IFT57: variants seen among roughly 807,000 people sequenced by gnomAD.
The protein encoded by IFT57 is intraflagellar transport 57.
IFT57 carries 59 observed loss-of-function variants against 56.8 expected under a neutral mutation model. The observed-to-expected ratio is 1.04, with a 90% CI of 0.84 to 1.29. IFT57 has a LOEUF of 1.29. IFT57 is among the 50% of genes most tolerant of loss of function. IFT57 has a pLI of 0.00. For missense variants in IFT57, 470 were observed against 522.1 expected (o/e 0.90, Z 0.97); for synonymous variants, 209 against 186.1 (o/e 1.12, Z -1.00).
chr3:108,189,456 T>C (rs1257451711), intron 6 of IFT57, among the ~76,000 whole-genome samples: 2 of 152,188 alleles, frequency 1.3e-5, no homozygotes, highest in East Asian at 3.8e-4. Context: ...GCAATGTTTG[T>C]AAGATTTTTT....
chr3:108,214,091 A>G, intron 3 of IFT57, 70 bp from the exon 4 acceptor site: 1 of 872,356 alleles, frequency 1.1e-6, no homozygotes, highest in Admixed American at 2.1e-5. Flanking sequence ...CATAATGCAA[A>G]TATCATGTCC....
intron 4 of IFT57, among the ~76,000 whole-genome samples, chr3:108,212,016 T>C (rs1003351279): frequency 1.3e-5 from 2 of 152,186 alleles, no homozygotes; most frequent in African/African-American, 4.8e-5. Context: ...AGGGTCTTGC[T>C]CTGTCACCCA....
At chr3:108,168,370 C>CTAT (rs2080074219) in intron 6 of IFT57, among the ~76,000 whole-genome samples, 1 of 151,934 alleles carries the variant, frequency 6.6e-6, no homozygotes, top group Admixed American at 6.6e-5. Context: ...AAAATATCAT[C>CTAT]TATTACTACT....
chr3:108,174,019 T>C lies in IFT57; in HGVS notation c.778-6155A>G, dbSNP rs1044952730. On this transcript the variant is annotated intron_variant, in intron 6 of 10. Transcript: ENST00000264538. Reference sequence around the variant, plus strand: ...TTGAGTGTGTGTGTGTGTGTGTGTGTGTGTGTGTGTGTGTGTGTGTGTGTG... The same window carrying C: ...TTGAGTGTGTGTGTGTGTGTGTGTGCGTGTGTGTGTGTGTGTGTGTGTGTG... 5.1e-3 allele frequency among the ~76,000 whole-genome samples: 771 copies of C among 150,410 alleles called. 3 individuals carry two copies. Among genetic ancestry groups the C allele is most frequent in the African/African-American group, 0.018 (733 of 40,970 alleles).
chr3:108,221,714 T>C (rs2080406380), intron 1 of IFT57, among the ~76,000 whole-genome samples: 1 of 6,058 alleles, frequency 1.7e-4, no homozygotes, highest in Non-Finnish European at 1.1e-3. Context: ...CATTCCTCTC[T>C]GGAGGCGAAT....
intron 5 of IFT57, 129 bp downstream of exon 5, chr3:108,206,499 C>A: frequency 2.6e-6 from 1 of 377,414 alleles, no homozygotes; most frequent in Non-Finnish European, 4.9e-6. Flanking sequence ...TATAGGAAAG[C>A]AATTTTGAGA....
intron 7 of IFT57, 42 bp from the exon 8 acceptor site, chr3:108,167,027 CAT>C (rs1158990586): frequency 1.3e-6 from 2 of 1,556,036 alleles, no homozygotes; most frequent in Non-Finnish European, 1.7e-6. Context: ...AACTCACAAA[CAT>C]ATTTTTTCAA....
intron 3 of IFT57, among the ~76,000 whole-genome samples, chr3:108,216,523 G>A (rs539078664): frequency 1.3e-5 from 2 of 152,266 alleles, no homozygotes; most frequent in African/African-American, 4.8e-5. Flanking sequence ...AACACTATTG[G>A]TAGGTATGTA....
rs951009014 is a variant in IFT57, at chr3:108,214,602, A to G, written c.495-581T>C. Among the ~76,000 whole-genome samples, 9 of 152,232 alleles carry G rather than the reference A, an allele frequency of 5.9e-5. No homozygotes were observed. The East Asian group carries it at 1.3e-3, about 23-fold the overall frequency. ...AAGGAGAGTAACTCCATCTCCATAT[A>G]TTCACCAATATGATATATAATACAA... On this transcript the variant is annotated intron_variant, in intron 3 of 10. Coordinates refer to ENST00000264538, the MANE Select transcript of IFT57 (RefSeq NM_018010.4).
At chr3:108,181,460 A>G (rs2080150812) in intron 6 of IFT57, among the ~76,000 whole-genome samples, 1 of 152,120 alleles carries the variant, frequency 6.6e-6, no homozygotes, top group Non-Finnish European at 1.5e-5. Context: ...TGTTTTATGT[A>G]GTCTCTCTTA....
intron 3 of IFT57, among the ~76,000 whole-genome samples, chr3:108,214,321 C>A (rs927285138): frequency 3.3e-5 from 5 of 152,110 alleles, no homozygotes; most frequent in African/African-American, 1.2e-4. Context: ...TACATACAAG[C>A]ACTGTATTTC....
intron 4 of IFT57, among the ~76,000 whole-genome samples, chr3:108,211,363 G>T (rs13094403): frequency 0.24 from 35,967 of 152,156 alleles, 5,864 homozygotes; most frequent in Non-Finnish European, 0.34. Flanking sequence ...GAGCTTGAAC[G>T]GAAAGATCTG....
chr3:108,222,349 G>A lies in IFT57; in HGVS notation c.-27C>T, dbSNP rs1390428907. On this transcript the variant is annotated 5_prime_UTR_variant, in exon 1 of 11. Coordinates refer to ENST00000264538, the MANE Select transcript of IFT57 (RefSeq NM_018010.4). ...GCAGAACGGACAGAGTCCAGCGTGG[G>A]CTCAGGCCCACAGACCTCTGCGGCC... The A allele has an allele frequency of 1.0e-5, 16 of 1,582,862 alleles. No homozygotes were observed. Among genetic ancestry groups the A allele is most frequent in the African/African-American group, 5.4e-5 (4 of 74,224 alleles).
At chr3:108,206,103 TAA>T (rs1404900340) in intron 5 of IFT57, among the ~76,000 whole-genome samples, 3 of 135,436 alleles carry the variant, frequency 2.2e-5, no homozygotes, top group Non-Finnish European at 4.6e-5. Context: ...TATTGATATA[TAA>T]TATATATGGT....
rs76350249 is a variant in IFT57 at position 108,179,786 on chromosome 3, T to G, written c.777+11735A>C. On this transcript the variant is annotated intron_variant, in intron 6 of 10. Transcript: ENST00000264538. ...ATTATAGAATGTGGCTTTCCTAAATTTTTAAATCTGACATTTTTTTCTTCC... is the reference window on the plus strand; with the variant it reads ...ATTATAGAATGTGGCTTTCCTAAATGTTTAAATCTGACATTTTTTTCTTCC... Among the ~76,000 whole-genome samples the G allele has an allele frequency of 1.0e-3, 154 of 152,142 alleles. 7 individuals are homozygous for G. In the East Asian group the frequency reaches 0.029, roughly 29 times the overall value.
At chr3:108,188,062 T>C (rs1229269535) in intron 6 of IFT57, among the ~76,000 whole-genome samples, 1 of 152,018 alleles carries the variant, frequency 6.6e-6, no homozygotes, top group African/African-American at 2.4e-5. Context: ...ACATTAGGTA[T>C]ATCTCCTAAT....
At chr3:108,208,863 G>A (rs2080328108) in intron 4 of IFT57, among the ~76,000 whole-genome samples, 1 of 152,152 alleles carries the variant, frequency 6.6e-6, no homozygotes, top group Non-Finnish European at 1.5e-5. Context: ...AAAATGGAAG[G>A]AAGAGTATTC....
intron 6 of IFT57, among the ~76,000 whole-genome samples, chr3:108,172,703 G>T (rs1439783084): frequency 6.6e-6 from 1 of 151,862 alleles, no homozygotes; most frequent in Non-Finnish European, 1.5e-5. Flanking sequence ...CGCATATGGG[G>T]TGACTGAAGT....
At chr3:108,163,556 G>A (rs913065402) in intron 10 of IFT57, 107 bp downstream of exon 10, 1 of 721,056 alleles carries the variant, frequency 1.4e-6, no homozygotes, top group East Asian at 2.8e-5. Context: ...CTTCAAACAA[G>A]CAACAAATAA....
Sources: gnomAD v4.1 joint callset for allele counts (sites outside exome capture counted in the v4.1 genomes callset) on GRCh38, gnomAD v4.1.1 for gene constraint, MANE v1.5 for transcripts, NCBI Gene and HGNC (gene_info 2026-07-23, HGNC 2026-07-21) for gene names.